The following SIK2 variants were observed in gnomAD, a reference collection of about 807,000 sequenced individuals.
SIK2 encodes salt inducible kinase 2.
Under a neutral mutation model 103.2 loss-of-function variants are expected in SIK2, and 29 were observed. The ratio of observed to expected loss-of-function variants is 0.28; its 90% CI spans 0.21 to 0.38. The LOEUF (loss-of-function observed/expected upper bound fraction) is 0.38. Ranked by LOEUF, SIK2 falls within the 10% of genes least tolerant of loss-of-function variation. The pLI is 1.00. For missense variants in SIK2, 879 were observed against 1,171.0 expected (o/e 0.75, Z 3.64); for synonymous variants, 412 against 446.1 (o/e 0.92, Z 0.96).
chr11:111,661,744 G>C (rs1452929397), intron 3 of SIK2, among the ~76,000 whole-genome samples: 2 of 152,214 alleles, frequency 1.3e-5, no homozygotes, highest in Admixed American at 1.3e-4. Flanking sequence ...GAGGAGCAAA[G>C]GCACATCTTA....
intron 3 of SIK2, among the ~76,000 whole-genome samples, chr11:111,645,482 A>G (rs1324628639): frequency 6.6e-6 from 1 of 152,232 alleles, no homozygotes; most frequent in Non-Finnish European, 1.5e-5. Context: ...TCCAAAACTA[A>G]GGTATGTAGT....
In SIK2 at chr11:111,727,375, A is replaced by C; in HGVS notation, c.*3246A>C. On this transcript the variant is annotated 3_prime_UTR_variant, in exon 15 of 15. Coordinates refer to ENST00000304987, the MANE Select transcript of SIK2 (RefSeq NM_015191.3). ...AGTGGCCCTTTCTTCCTCAGATATC[A>C]AGAACTCCCAAGTGTTTAAACCGTA... 2.5e-6 allele frequency: 1 copy of C among 393,958 alleles called. No homozygotes were observed. The highest frequency in any genetic ancestry group is 4.3e-5 in the South Asian group (1 of 23,146). The allele number at this position is 393,958 out of a possible 1,614,324, so 24.4% of individuals were successfully genotyped here.
At chr11:111,718,735 C>T (rs1943715744) in intron 9 of SIK2, 2 of 152,226 alleles carry the variant, frequency 1.3e-5, no homozygotes, top group African/African-American at 2.4e-5. Flanking sequence ...CCAAAGGAAA[C>T]AGTAGCTCTA....
At chr11:111,609,160 TG>T (rs1184365920) in intron 1 of SIK2, among the ~76,000 whole-genome samples, 1 of 152,030 alleles carries the variant, frequency 6.6e-6, no homozygotes, top group East Asian at 1.9e-4. Flanking sequence ...TTGTCTTTTT[TG>T]TTGATTTGTT....
intron 3 of SIK2, among the ~76,000 whole-genome samples, chr11:111,674,910 C>T (rs1942682856): frequency 6.6e-6 from 1 of 152,160 alleles, no homozygotes; most frequent in Non-Finnish European, 1.5e-5. Flanking sequence ...CTTCACCCAG[C>T]TAATGTTTGT....
At chr11:111,634,073 G>T (rs1049627012) in intron 3 of SIK2, among the ~76,000 whole-genome samples, 7 of 152,132 alleles carry the variant, frequency 4.6e-5, no homozygotes, top group Non-Finnish European at 8.8e-5. Flanking sequence ...CAATTAAACC[G>T]GCAGTTAGCA....
intron 3 of SIK2, among the ~76,000 whole-genome samples, chr11:111,639,013 T>C (rs571997601): frequency 3.3e-5 from 5 of 152,324 alleles, no homozygotes; most frequent in Non-Finnish European, 5.9e-5. Flanking sequence ...GCTTGATCTT[T>C]TCAAGTTTTG....
chr11:111,688,085 A>G lies in SIK2; in HGVS notation c.401A>G (p.His134Arg). 1 of 1,614,138 alleles carries G rather than the reference A, an allele frequency of 6.2e-7. No individual in the cohort carries two copies. ...WQILSAVDYC[H>R]GRKIVHRDLK... The stretch of plus-strand genomic sequence containing the variant: ...ATCCTGTCTGCTGTTGATTATTGTC[A>G]TGGTCGGAAGATTGTGCACCGTGAC... Residue 134 changes from histidine to arginine, a missense_variant, in exon 4 of 15, where the codon CAT becomes CGT. His to Arg is a conservative substitution (Grantham distance 29). Around this residue, in one of 7 missense-constraint regions of SIK2, gnomAD observed 126 missense variants for 245.5 expected, o/e 0.51. Transcript: ENST00000304987. This position sits in a 1 kb window ranked among gnomAD's most constrained non-coding sequence, Gnocchi z 4.2.
intron 2 of SIK2, among the ~76,000 whole-genome samples, chr11:111,618,389 C>A (rs1160396358): frequency 1.3e-5 from 2 of 152,110 alleles, no homozygotes; most frequent in Non-Finnish European, 2.9e-5. Flanking sequence ...TAGAGATTTT[C>A]AATGTAAAAA....
chr11:111,652,453 T>G (rs1195982817), intron 3 of SIK2, among the ~76,000 whole-genome samples: 1 of 152,168 alleles, frequency 6.6e-6, no homozygotes, highest in Non-Finnish European at 1.5e-5. Flanking sequence ...TGTCATTAAT[T>G]TCATCTTGGG....
At position 111,692,828 on chromosome 11, in the gene SIK2, G is replaced by A. The variant is rs541549279; in HGVS notation, c.478+4666G>A. Among the ~76,000 whole-genome samples, 16 of 151,090 alleles carry A rather than the reference G, an allele frequency of 1.1e-4. No homozygotes were observed. In the South Asian group the frequency reaches 3.3e-3, roughly 31 times the overall value. On this transcript the variant is annotated intron_variant, in intron 4 of 14. Transcript: ENST00000304987. The stretch of plus-strand genomic sequence containing the variant: ...TACTTTTTTCTGGGTTTTTTTTTTG[G>A]CTTATGAAAATCTCTTTAATTGCAA...
At chr11:111,707,135 T>G (rs1198662362) in intron 8 of SIK2, among the ~76,000 whole-genome samples, 1 of 152,100 alleles carries the variant, frequency 6.6e-6, no homozygotes, top group Non-Finnish European at 1.5e-5. Flanking sequence ...TAAGACGTAG[T>G]GGAACTCTTT....
chr11:111,683,610 CCTGA>C (rs1398462450), intron 3 of SIK2, among the ~76,000 whole-genome samples: 1 of 152,008 alleles, frequency 6.6e-6, no homozygotes, highest in East Asian at 1.9e-4. Context: ...CGCCACCATG[CCTGA>C]CTAATTTTTG....
At chr11:111,637,643 G>A (rs963722792) in intron 3 of SIK2, among the ~76,000 whole-genome samples, 3 of 151,586 alleles carry the variant, frequency 2.0e-5, no homozygotes, top group African/African-American at 7.3e-5. Context: ...TGTACTTTCA[G>A]TAAAGACAGG....
intron 3 of SIK2, among the ~76,000 whole-genome samples, chr11:111,646,054 G>A (rs1247855359): frequency 1.3e-5 from 2 of 152,158 alleles, no homozygotes; most frequent in African/African-American, 2.4e-5. Context: ...TGTGATGATA[G>A]CATTAAGTAT....
At chr11:111,681,973 G>T (rs1350114015) in intron 3 of SIK2, among the ~76,000 whole-genome samples, 1 of 152,138 alleles carries the variant, frequency 6.6e-6, no homozygotes, top group African/African-American at 2.4e-5. Context: ...AACTCTAAGG[G>T]TAAGTCCCAG....
At chr11:111,604,033 C>A (rs1941617756) in intron 1 of SIK2, among the ~76,000 whole-genome samples, 1 of 152,346 alleles carries the variant, frequency 6.6e-6, no homozygotes, top group Middle Eastern at 3.4e-3. Context: ...TGGTCCTGAA[C>A]CAGTCCAAAT....
intron 3 of SIK2, among the ~76,000 whole-genome samples, chr11:111,650,959 A>G (rs968651319): frequency 1.3e-5 from 2 of 152,128 alleles, no homozygotes; most frequent in Non-Finnish European, 2.9e-5. Flanking sequence ...ATATCTTTTG[A>G]TTTTATACAT....
intron 3 of SIK2, among the ~76,000 whole-genome samples, chr11:111,631,923 G>A (rs1250994811): frequency 6.6e-6 from 1 of 152,128 alleles, no homozygotes; most frequent in Admixed American, 6.6e-5. Context: ...GCATTATGAG[G>A]CTCTGATGGT....
Sources: allele counts gnomAD v4.1 joint callset (sites outside exome capture counted in the v4.1 genomes callset), GRCh38; gene constraint gnomAD v4.1.1; regional missense constraint gnomAD v4.1.1; non-coding constraint Gnocchi (gnomAD v3.1); transcripts MANE v1.5; gene names NCBI Gene and HGNC (gene_info 2026-07-23, HGNC 2026-07-21).